SLC24A2: variants seen among roughly 807,000 people sequenced by gnomAD.
The protein encoded by SLC24A2 is solute carrier family 24 member 2.
Under a neutral mutation model 62.0 loss-of-function variants are expected in SLC24A2, and 36 were observed. The ratio of observed to expected loss-of-function variants is 0.58; its 90% CI spans 0.44 to 0.77. The LOEUF is 0.77. SLC24A2 is among the 30% of genes least tolerant of loss of function. The pLI, the probability that SLC24A2 is intolerant of heterozygous loss-of-function variation, is 0.00. For missense variants in SLC24A2, 846 were observed against 817.9 expected, an observed-to-expected ratio of 1.03 and a Z score of -0.42; for synonymous variants, 358 against 294.0, an observed-to-expected ratio of 1.22 and a Z score of -2.23.
At chr9:19,932,647 C>G in the SLC24A2 span, among the ~76,000 whole-genome samples, 1 of 152,214 alleles carries the variant, frequency 6.6e-6, no homozygotes, top group East Asian at 1.9e-4. Context: ...GAACTCAGAA[C>G]TTCTGACTTC....
the SLC24A2 span, among the ~76,000 whole-genome samples, chr9:19,939,687 C>T: frequency 6.6e-6 from 1 of 152,204 alleles, no homozygotes; most frequent in African/African-American, 2.4e-5. Flanking sequence ...GACATTTCCA[C>T]AGCTATACTA....
intron 2 of SLC24A2, among the ~76,000 whole-genome samples, chr9:19,657,186 G>T (rs181832719): frequency 2.2e-4 from 34 of 152,286 alleles, no homozygotes; most frequent in African/African-American, 7.7e-4. Flanking sequence ...ATGACCTGGA[G>T]AGTGGTGCAT....
the SLC24A2 span, among the ~76,000 whole-genome samples, chr9:20,128,173 G>C: frequency 8.9e-4 from 136 of 152,252 alleles, no homozygotes; most frequent in African/African-American, 2.8e-3. Context: ...AGGAAAGGCA[G>C]ATGGTTTGTG....
the SLC24A2 span, among the ~76,000 whole-genome samples, chr9:19,799,323 TC>T: frequency 6.6e-6 from 1 of 152,230 alleles, no homozygotes; most frequent in African/African-American, 2.4e-5. Flanking sequence ...ATACACTTTT[TC>T]TGTTTCCTAA....
At chr9:19,681,730 T>C (rs545199456) in intron 2 of SLC24A2, among the ~76,000 whole-genome samples, 120 of 152,264 alleles carry the variant, frequency 7.9e-4, no homozygotes, top group African/African-American at 2.7e-3. Flanking sequence ...TGGGCAATAA[T>C]AGAGCCCACT....
the SLC24A2 span, among the ~76,000 whole-genome samples, chr9:20,085,520 G>A: frequency 4.6e-4 from 70 of 152,252 alleles, no homozygotes; most frequent in East Asian, 1.2e-3. Context: ...CTATAATAGC[G>A]TTGTTTGACT....
At chr9:20,212,724 G>T in the SLC24A2 span, among the ~76,000 whole-genome samples, 2 of 151,580 alleles carry the variant, frequency 1.3e-5, no homozygotes, top group Admixed American at 6.6e-5. Flanking sequence ...CTGAAACATT[G>T]TAGCCTATGT....
the SLC24A2 span, among the ~76,000 whole-genome samples, chr9:19,857,757 T>C: frequency 7.6e-6 from 1 of 132,386 alleles, no homozygotes; most frequent in South Asian, 2.3e-4. Context: ...TTTTTTTTTT[T>C]TTTGGTGTGC....
At chr9:19,547,444 C>G (rs368274563) in intron 8 of SLC24A2, among the ~76,000 whole-genome samples, 1 of 152,158 alleles carries the variant, frequency 6.6e-6, no homozygotes, top group Non-Finnish European at 1.5e-5. Flanking sequence ...ACCCACGTAA[C>G]GACTGCCTTG....
the SLC24A2 span, among the ~76,000 whole-genome samples, chr9:20,046,339 G>T: frequency 3.3e-5 from 5 of 152,204 alleles, no homozygotes; most frequent in Admixed American, 6.5e-5. Context: ...GACCCAGAAG[G>T]TTTCTCTGTT....
chr9:20,070,621 C>A, the SLC24A2 span, among the ~76,000 whole-genome samples: 1 of 152,200 alleles, frequency 6.6e-6, no homozygotes, highest in African/African-American at 2.4e-5. Flanking sequence ...GAGGCAAAGT[C>A]TTTCATGAAA....
chr9:19,526,132 C>T (rs1159530605), intron 9 of SLC24A2, among the ~76,000 whole-genome samples: 3 of 152,098 alleles, frequency 2.0e-5, no homozygotes, highest in African/African-American at 7.2e-5. Context: ...TGGCTTTTTT[C>T]ACTTAGCATA....
chr9:19,873,554 C>A, the SLC24A2 span, among the ~76,000 whole-genome samples: 1 of 136,940 alleles, frequency 7.3e-6, no homozygotes, highest in African/African-American at 2.6e-5. Context: ...TTCTTTCTTT[C>A]TCTCTCTCTC....
intron 2 of SLC24A2, among the ~76,000 whole-genome samples, chr9:19,671,956 A>G (rs142575626): frequency 0.013 from 1,933 of 146,190 alleles, 151 homozygotes; most frequent in Non-Finnish European, 0.023. Context: ...TTGGTTAGCT[A>G]GTATTTTGTT....
chr9:19,542,001 C>T (rs570651478), intron 8 of SLC24A2, among the ~76,000 whole-genome samples: 3 of 152,270 alleles, frequency 2.0e-5, no homozygotes, highest in South Asian at 4.1e-4. Context: ...TTCTTTGACT[C>T]GGAAAGGGAA....
At chr9:19,819,650 A>G in the SLC24A2 span, among the ~76,000 whole-genome samples, 1 of 152,078 alleles carries the variant, frequency 6.6e-6, no homozygotes, top group African/African-American at 2.4e-5. Context: ...AATCAAAACC[A>G]CAATGTGATA....
the SLC24A2 span, among the ~76,000 whole-genome samples, chr9:19,802,434 G>C: frequency 1.3e-5 from 2 of 152,168 alleles, no homozygotes; most frequent in South Asian, 4.1e-4. Flanking sequence ...GAACAACGAA[G>C]TCTGGATATG....
intron 10 of SLC24A2, 44 bp downstream of exon 10, chr9:19,520,850 C>G: frequency 6.3e-7 from 1 of 1,591,560 alleles, no homozygotes; most frequent in Non-Finnish European, 8.6e-7. Context: ...GACAAAGACA[C>G]TGGTGGAGCT....
intron 9 of SLC24A2, among the ~76,000 whole-genome samples, chr9:19,524,176 A>AGAG (rs1243512110): frequency 6.7e-6 from 1 of 148,828 alleles, no homozygotes; most frequent in Non-Finnish European, 1.5e-5. Context: ...TAGGCCACTC[A>AGAG]GAGGAGGCCA....
Sources: allele counts gnomAD v4.1 joint callset (sites outside exome capture counted in the v4.1 genomes callset), GRCh38; gene constraint gnomAD v4.1.1; transcripts MANE v1.5; gene names NCBI Gene and HGNC (gene_info 2026-07-23, HGNC 2026-07-21).